Variants in CSNK2A2IP observed in about 807,000 individuals in gnomAD.
CSNK2A2IP encodes casein kinase II subunit alpha'-interacting protein.
chr3:88,359,032 G>A, the CSNK2A2IP span, among the ~76,000 whole-genome samples: 20 of 148,288 alleles, frequency 1.3e-4, no homozygotes, highest in Middle Eastern at 0.01. Context: ...GTACACTTAC[G>A]CGTGCTCTTT....
At chr3:88,458,479 G>A in the CSNK2A2IP span, among the ~76,000 whole-genome samples, 1 of 151,940 alleles carries the variant, frequency 6.6e-6, no homozygotes, top group South Asian at 2.1e-4. Flanking sequence ...TTATCTGTAT[G>A]GCCAAATGTT....
chr3:88,386,238 C>T, the CSNK2A2IP span, among the ~76,000 whole-genome samples: 1 of 152,092 alleles, frequency 6.6e-6, no homozygotes, highest in African/African-American at 2.4e-5. Flanking sequence ...GATTCTCCCG[C>T]CTCAGTCTCC....
chr3:88,392,565 A>G, the CSNK2A2IP span, among the ~76,000 whole-genome samples: 1 of 152,348 alleles, frequency 6.6e-6, no homozygotes, highest in East Asian at 1.9e-4. Context: ...TCCAAAAAGG[A>G]GGAAGCAGCC....
the CSNK2A2IP span, among the ~76,000 whole-genome samples, chr3:88,367,266 G>C: frequency 2.6e-5 from 4 of 152,026 alleles, no homozygotes; most frequent in Non-Finnish European, 5.9e-5. Context: ...AATAGTTTTG[G>C]GGGAAGCCAA....
chr3:88,425,343 C>T, the CSNK2A2IP span, among the ~76,000 whole-genome samples: 1 of 152,042 alleles, frequency 6.6e-6, no homozygotes, highest in African/African-American at 2.4e-5. Flanking sequence ...GCTTTAAAAG[C>T]AAACCAAATT....
the CSNK2A2IP span, among the ~76,000 whole-genome samples, chr3:88,378,153 T>C: frequency 1.3e-5 from 2 of 152,018 alleles, no homozygotes; most frequent in South Asian, 4.1e-4. Flanking sequence ...AATGATGCAA[T>C]TTTAACTTAC....
At chr3:88,438,448 G>A in the CSNK2A2IP span, among the ~76,000 whole-genome samples, 1 of 152,120 alleles carries the variant, frequency 6.6e-6, no homozygotes, top group South Asian at 2.1e-4. Flanking sequence ...CATAGAGCCA[G>A]CCATAAAAGC....
chr3:88,369,330 G>A, the CSNK2A2IP span, among the ~76,000 whole-genome samples: 1 of 152,114 alleles, frequency 6.6e-6, no homozygotes, highest in East Asian at 1.9e-4. Flanking sequence ...GTGTGTGTGT[G>A]TGTTGTGTGA....
the CSNK2A2IP span, among the ~76,000 whole-genome samples, chr3:88,368,472 A>C: frequency 2.6e-5 from 4 of 152,016 alleles, no homozygotes; most frequent in African/African-American, 9.7e-5. Context: ...CAGACAAATT[A>C]AGATTTGGAG....
chr3:88,412,372 TCTTCTGGAC>T, the CSNK2A2IP span, among the ~76,000 whole-genome samples: 4 of 151,966 alleles, frequency 2.6e-5, no homozygotes, highest in African/African-American at 9.7e-5. Flanking sequence ...TTGGGATCAT[TCTTCTGGAC>T]CTTTATTTCT....
the CSNK2A2IP span, among the ~76,000 whole-genome samples, chr3:88,378,855 A>G: frequency 3.9e-5 from 6 of 152,132 alleles, no homozygotes; most frequent in African/African-American, 1.4e-4. Context: ...AACTGAATGA[A>G]TGGATGACCA....
At chr3:88,366,018 A>G in the CSNK2A2IP span, among the ~76,000 whole-genome samples, 1 of 152,174 alleles carries the variant, frequency 6.6e-6, no homozygotes, top group South Asian at 2.1e-4. Flanking sequence ...AAAGGAGATC[A>G]TCATCAATGT....
At chr3:88,384,577 G>A in the CSNK2A2IP span, among the ~76,000 whole-genome samples, 5 of 152,058 alleles carry the variant, frequency 3.3e-5, no homozygotes, top group African/African-American at 1.2e-4. Context: ...ATCCTGGTAG[G>A]AGCCATTTTT....
chr3:88,383,842 T>G, the CSNK2A2IP span, among the ~76,000 whole-genome samples: 3 of 151,932 alleles, frequency 2.0e-5, no homozygotes, highest in Non-Finnish European at 4.4e-5. Context: ...TTTTTTGTAT[T>G]TTTAGTAGAG....
chr3:88,385,230 G>C, the CSNK2A2IP span, among the ~76,000 whole-genome samples: 1 of 152,178 alleles, frequency 6.6e-6, no homozygotes, highest in Non-Finnish European at 1.5e-5. Context: ...GAAAATGAAA[G>C]AGCGGTGAGG....
At chr3:88,453,102 G>A in the CSNK2A2IP span, among the ~76,000 whole-genome samples, 1 of 152,076 alleles carries the variant, frequency 6.6e-6, no homozygotes, top group African/African-American at 2.4e-5. Context: ...TACAAGATAA[G>A]CCTCAGATCA....
the CSNK2A2IP span, among the ~76,000 whole-genome samples, chr3:88,339,890 T>C: frequency 1.3e-5 from 2 of 152,036 alleles, no homozygotes; most frequent in Non-Finnish European, 2.9e-5. Context: ...AAGTAGTTTT[T>C]GTTTTCTTTT....
At chr3:88,446,741 T>C in the CSNK2A2IP span, among the ~76,000 whole-genome samples, 1 of 152,244 alleles carries the variant, frequency 6.6e-6, no homozygotes, top group Non-Finnish European at 1.5e-5. Context: ...CGATGAATTC[T>C]TGATTTGACG....
the CSNK2A2IP span, among the ~76,000 whole-genome samples, chr3:88,409,433 A>C: frequency 2.6e-5 from 4 of 151,992 alleles, no homozygotes; most frequent in Non-Finnish European, 5.9e-5. Context: ...ATTCCCTGTT[A>C]AACCAGCTGC....
Sources: allele counts gnomAD v4.1 joint callset (sites outside exome capture counted in the v4.1 genomes callset), GRCh38; gene constraint gnomAD v4.1.1; transcripts MANE v1.5; gene names NCBI Gene and HGNC (gene_info 2026-07-23, HGNC 2026-07-21).